Variants in NTM observed in about 807,000 individuals in gnomAD.
NTM encodes the protein neurotrimin.
Under a neutral mutation model 42.1 loss-of-function variants are expected in NTM, and 13 were observed. The ratio of observed to expected loss-of-function variants is 0.31; its 90% CI spans 0.20 to 0.49. The LOEUF (loss-of-function observed/expected upper bound fraction) is 0.49, where lower values mean the gene tolerates loss of function less well. Ranked by LOEUF, NTM falls within the 20% of genes least tolerant of loss-of-function variation. The pLI is 0.99. For synonymous variants in NTM, 187 were observed against 179.2 expected (o/e 1.04, Z -0.35); for missense variants, 373 against 452.8 (o/e 0.82, Z 1.60).
rs184017831 is a variant in NTM, at chr11:132,226,361, T to C, written c.526+14214T>C. On this transcript the variant is annotated intron_variant, in intron 4 of 8. Transcript: ENST00000683400. ...AATGTTCCTATTTCTCCACATCCTC[T>C]CTAGCATCTGTTGTTTCCTGACTTT... Among the ~76,000 whole-genome samples, 709 of 152,306 alleles carry C rather than the reference T, an allele frequency of 4.7e-3. 9 individuals carry two copies. Among genetic ancestry groups the C allele is most frequent in the African/African-American group, 0.017 (687 of 41,564 alleles).
chr11:131,989,788 G>A (rs2066708013), intron 2 of NTM, among the ~76,000 whole-genome samples: 2 of 151,722 alleles, frequency 1.3e-5, no homozygotes, highest in Admixed American at 1.3e-4. Flanking sequence ...AAGCATATAG[G>A]AATAGGTTCT....
At chr11:131,684,085 G>A (rs2695822) in intron 1 of NTM, among the ~76,000 whole-genome samples, 1 of 152,008 alleles carries the variant, frequency 6.6e-6, no homozygotes, top group Non-Finnish European at 1.5e-5. Context: ...ACTTAACCTC[G>A]CCTAACTTCA....
chr11:131,499,552 C>G (rs1318215109), intron 1 of NTM, among the ~76,000 whole-genome samples: 2 of 152,206 alleles, frequency 1.3e-5, no homozygotes, highest in African/African-American at 4.8e-5. Context: ...CTTGTAAAAA[C>G]ACAAATCGGA....
At chr11:132,185,637 A>G (rs1398201424) in intron 3 of NTM, among the ~76,000 whole-genome samples, 1 of 152,208 alleles carries the variant, frequency 6.6e-6, no homozygotes, top group African/African-American at 2.4e-5. Context: ...ATATAACGCA[A>G]ATCTCTCCAT....
chr11:131,747,127 C>T (rs2081923153), intron 1 of NTM, among the ~76,000 whole-genome samples: 1 of 152,160 alleles, frequency 6.6e-6, no homozygotes, highest in Non-Finnish European at 1.5e-5. Context: ...ATTTTTTATA[C>T]TAATATGCTA....
intron 2 of NTM, among the ~76,000 whole-genome samples, chr11:131,997,039 T>C (rs1230416500): frequency 6.6e-6 from 1 of 152,228 alleles, no homozygotes; most frequent in African/African-American, 2.4e-5. Flanking sequence ...AGCTTCACCA[T>C]GGCCTCTCCT....
At chr11:131,861,040 G>A (rs757357475) in intron 1 of NTM, among the ~76,000 whole-genome samples, 1 of 152,144 alleles carries the variant, frequency 6.6e-6, no homozygotes, top group African/African-American at 2.4e-5. Context: ...AGTCCCCTAG[G>A]ATTTCTTCAG....
chr11:132,076,884 A>T (rs1547897), intron 2 of NTM, among the ~76,000 whole-genome samples: 19,047 of 152,160 alleles, frequency 0.13, 1,292 homozygotes, highest in Middle Eastern at 0.16. Context: ...CATTTTTATT[A>T]CCCATCTCTT....
At chr11:131,909,450 AAC>A (rs1305005077) in intron 1 of NTM, among the ~76,000 whole-genome samples, 1 of 149,686 alleles carries the variant, frequency 6.7e-6, no homozygotes. Context: ...TCTGTTATTT[AAC>A]AGTTGTTAAC....
Position 132,070,314 on chromosome 11 carries a change from C to T in NTM, c.168-75968C>T, listed in dbSNP as rs566527911. Among the ~76,000 whole-genome samples, 84 of 141,956 alleles carry T rather than the reference C, an allele frequency of 5.9e-4. 7 individuals are homozygous for T. The highest frequency in any genetic ancestry group is 4.0e-3 in the Middle Eastern group (1 of 248). 93.1% of individuals were successfully genotyped at this position (141,956 alleles called of 152,430 possible). On this transcript the variant is annotated intron_variant, in intron 2 of 8. Transcript: ENST00000683400. ...CAGCCAAGTTAACACGTCAAACTGACGATCACAGGTTAGTTTACACGTCAC... is the reference window on the plus strand; with the variant it reads ...CAGCCAAGTTAACACGTCAAACTGATGATCACAGGTTAGTTTACACGTCAC...
In NTM at chr11:131,723,549, T is replaced by G. The variant is rs114859232; in HGVS notation, c.83-188015T>G. 4.1e-3 allele frequency among the ~76,000 whole-genome samples: 631 copies of G among 152,350 alleles called. 4 individuals carry two copies. Among genetic ancestry groups the G allele is most frequent in the African/African-American group, 0.014 (600 of 41,590 alleles). ...CCTTATTTCCTTCCTTCCTTTTTCTTTCCTTCCATCCATCTTTCTTTCCTT... is the reference window on the plus strand; with the variant it reads ...CCTTATTTCCTTCCTTCCTTTTTCTGTCCTTCCATCCATCTTTCTTTCCTT... On this transcript the variant is annotated intron_variant, in intron 1 of 8. Transcript: ENST00000683400.
At chr11:131,633,716 TCC>T (rs1565355009) in intron 1 of NTM, among the ~76,000 whole-genome samples, 2 of 27,452 alleles carry the variant, frequency 7.3e-5, no homozygotes, top group East Asian at 1.6e-3. Context: ...CTTCTCTCCC[TCC>T]CTCTCTCTCT....
intron 1 of NTM, among the ~76,000 whole-genome samples, chr11:131,756,569 T>A (rs1353468660): frequency 6.6e-6 from 1 of 150,484 alleles, no homozygotes; most frequent in Admixed American, 6.6e-5. Flanking sequence ...GCACTTGTGG[T>A]CCCAGCTACT....
At chr11:131,601,991 T>C (rs1262154242) in intron 1 of NTM, among the ~76,000 whole-genome samples, 6 of 152,178 alleles carry the variant, frequency 3.9e-5, no homozygotes, top group Non-Finnish European at 8.8e-5. Flanking sequence ...AAGAGTTATA[T>C]TGGGGGCACA....
intron 1 of NTM, among the ~76,000 whole-genome samples, chr11:131,423,589 T>C (rs374339861): frequency 2.0e-5 from 3 of 152,168 alleles, no homozygotes; most frequent in African/African-American, 7.2e-5. Flanking sequence ...AGTGGTGGCA[T>C]GATAGGTGCT....
intron 1 of NTM, among the ~76,000 whole-genome samples, chr11:131,810,715 A>G (rs1224982128): frequency 1.3e-5 from 2 of 152,238 alleles, no homozygotes; most frequent in African/African-American, 4.8e-5. Flanking sequence ...TCACTGTGCC[A>G]GGAAGCAGAA....
chr11:131,566,699 TAAAAG>T (rs1459661903), intron 1 of NTM, among the ~76,000 whole-genome samples: 1 of 152,190 alleles, frequency 6.6e-6, no homozygotes, highest in Non-Finnish European at 1.5e-5. Context: ...ATAAAACTCT[TAAAAG>T]GATAATATTG....
At chr11:131,645,834 A>T (rs2065709392) in intron 1 of NTM, among the ~76,000 whole-genome samples, 1 of 152,212 alleles carries the variant, frequency 6.6e-6, no homozygotes, top group Non-Finnish European at 1.5e-5. Context: ...TATGGAATGG[A>T]TGCACAGCTA....
At chr11:132,285,423 T>A (rs2094190589) in intron 4 of NTM, among the ~76,000 whole-genome samples, 1 of 152,138 alleles carries the variant, frequency 6.6e-6, no homozygotes, top group Non-Finnish European at 1.5e-5. Context: ...TGCTCCCAGC[T>A]CTGACCAACT....
Sources: gnomAD v4.1 joint callset for allele counts (sites outside exome capture counted in the v4.1 genomes callset) on GRCh38, gnomAD v4.1.1 for gene constraint, MANE v1.5 for transcripts, NCBI Gene and HGNC (gene_info 2026-07-23, HGNC 2026-07-21) for gene names.